TNIK: variants seen among roughly 807,000 people sequenced by gnomAD.
The protein encoded by TNIK is TRAF2 and NCK-interacting protein kinase.
TNIK carries 49 observed loss-of-function variants against 191.3 expected under a neutral mutation model. That is an observed-to-expected ratio of 0.26 (90% CI 0.20 to 0.32). The LOEUF (loss-of-function observed/expected upper bound fraction) is 0.32, where lower values mean the gene tolerates loss of function less well. Ranked by LOEUF, TNIK falls within the 10% of genes least tolerant of loss-of-function variation. The pLI, the probability that TNIK is intolerant of heterozygous loss-of-function variation, is 1.00. For synonymous variants in TNIK, 594 were observed against 600.9 expected (o/e 0.99, Z 0.17); for missense variants, 1,155 against 1,702.3 (o/e 0.68, Z 5.66).
In TNIK at chr3:171,219,074, AAT is replaced by A. The variant is rs746843883; in HGVS notation, c.181-7835_181-7834del. Among the ~76,000 whole-genome samples, 411 of 129,876 alleles carry A rather than the reference AAT, an allele frequency of 3.2e-3. 3 individuals carry two copies. The highest frequency in any genetic ancestry group is 0.011 in the African/African-American group (379 of 34,732). 85.2% of individuals were successfully genotyped at this position (129,876 alleles called of 152,430 possible). ...TTTAATATAATATATTAAATATATA[AAT>A]ATATATTTTATATAAATATATAATT... is the stretch of plus-strand genomic sequence containing the variant. On this transcript the variant is annotated intron_variant, in intron 3 of 32. Coordinates refer to ENST00000436636, the MANE Select transcript of TNIK (RefSeq NM_015028.4).
intron 4 of TNIK, among the ~76,000 whole-genome samples, chr3:171,199,631 G>A (rs1739166664): frequency 6.6e-6 from 1 of 152,174 alleles, no homozygotes. Flanking sequence ...TAAGTAACTT[G>A]AGCAGGGTGA....
intron 1 of TNIK, among the ~76,000 whole-genome samples, chr3:171,430,350 G>T (rs1314746835): frequency 1.3e-5 from 2 of 152,046 alleles, no homozygotes; most frequent in Non-Finnish European, 2.9e-5. Context: ...CGTGAACCAA[G>T]AAAATAAGCC....
intron 1 of TNIK, among the ~76,000 whole-genome samples, chr3:171,371,283 C>G (rs527995009): frequency 6.6e-6 from 1 of 152,182 alleles, no homozygotes; most frequent in Non-Finnish European, 1.5e-5. Context: ...TGAGTTTGAT[C>G]TGACAAGTCA....
chr3:171,286,705 T>G (rs11921808), intron 2 of TNIK, among the ~76,000 whole-genome samples: 6,821 of 152,294 alleles, frequency 0.045, 222 homozygotes, highest in African/African-American at 0.094. Context: ...AAATGTCACC[T>G]TGGAGAGCAA....
chr3:171,454,238 G>A (rs550767480), intron 1 of TNIK, among the ~76,000 whole-genome samples: 3 of 152,274 alleles, frequency 2.0e-5, no homozygotes, highest in East Asian at 1.9e-4. Context: ...TCACAGGAGC[G>A]CCTGGCTGGG....
chr3:171,236,023 C>T (rs1171182105), intron 2 of TNIK, among the ~76,000 whole-genome samples: 2 of 152,148 alleles, frequency 1.3e-5, no homozygotes, highest in Admixed American at 6.5e-5. Flanking sequence ...GCCCTTAAAA[C>T]GCAGTCCTCC....
At chr3:171,144,785 G>C (rs141374852) in intron 12 of TNIK, among the ~76,000 whole-genome samples, 1,985 of 152,200 alleles carry the variant, frequency 0.013, 20 homozygotes, top group East Asian at 0.045. Flanking sequence ...CCAATCCTCT[G>C]GTAACCACTG....
chr3:171,131,404 G>A (rs574817030), intron 15 of TNIK, among the ~76,000 whole-genome samples: 1 of 134,098 alleles, frequency 7.5e-6, no homozygotes, highest in South Asian at 2.6e-4. Context: ...CTAGGGTACT[G>A]GTTTTCACAG....
At chr3:171,267,410 A>G (rs890282668) in intron 2 of TNIK, among the ~76,000 whole-genome samples, 29 of 152,342 alleles carry the variant, frequency 1.9e-4, no homozygotes, top group African/African-American at 6.7e-4. Context: ...AATATACTTA[A>G]TTCAGAAAAG....
At chr3:171,213,652 TAA>T (rs1383864269) in intron 3 of TNIK, among the ~76,000 whole-genome samples, 1 of 152,084 alleles carries the variant, frequency 6.6e-6, no homozygotes, top group Non-Finnish European at 1.5e-5. Context: ...GAGGTCAGAA[TAA>T]AGTCAGTACA....
chr3:171,371,648 T>C (rs1716504972), intron 1 of TNIK, among the ~76,000 whole-genome samples: 1 of 152,128 alleles, frequency 6.6e-6, no homozygotes, highest in Non-Finnish European at 1.5e-5. Flanking sequence ...CACCCCATAG[T>C]TAGAAGACAC....
At chr3:171,203,353 G>C (rs151229824) in intron 4 of TNIK, among the ~76,000 whole-genome samples, 397 of 152,196 alleles carry the variant, frequency 2.6e-3, no homozygotes, top group African/African-American at 9.0e-3. Flanking sequence ...ATTCTGAGAC[G>C]ATCTTACACA....
intron 2 of TNIK, among the ~76,000 whole-genome samples, chr3:171,322,645 T>C (rs145930070): frequency 1.0e-3 from 155 of 152,238 alleles, no homozygotes; most frequent in African/African-American, 3.6e-3. Context: ...TACGCACATA[T>C]GCAGGTAGGC....
chr3:171,459,782 G>C (rs1729239257), intron 1 of TNIK, among the ~76,000 whole-genome samples: 2 of 152,002 alleles, frequency 1.3e-5, no homozygotes, highest in African/African-American at 4.8e-5. Context: ...CCTCGGGAGA[G>C]CCTAAGCCAC....
At chr3:171,383,487 G>A (rs1250482562) in intron 1 of TNIK, among the ~76,000 whole-genome samples, 1 of 152,120 alleles carries the variant, frequency 6.6e-6, no homozygotes, top group African/African-American at 2.4e-5. Flanking sequence ...CTGGAATGCT[G>A]GTTATTCACA....
chr3:171,415,729 C>G (rs939255818), intron 1 of TNIK, among the ~76,000 whole-genome samples: 2 of 151,576 alleles, frequency 1.3e-5, no homozygotes, highest in African/African-American at 4.8e-5. Context: ...GCCTCTAATC[C>G]CAGCACTTTG....
chr3:171,376,179 A>G (rs981547723), intron 1 of TNIK, among the ~76,000 whole-genome samples: 2 of 152,248 alleles, frequency 1.3e-5, no homozygotes, highest in Non-Finnish European at 1.5e-5. Flanking sequence ...GAAAACAGGA[A>G]CAGTAGGAGA....
intron 2 of TNIK, among the ~76,000 whole-genome samples, chr3:171,310,892 T>G (rs982548770): frequency 9.2e-5 from 14 of 152,188 alleles, no homozygotes; most frequent in Admixed American, 5.9e-4. Flanking sequence ...AATATTTACT[T>G]TTTAATTTTC....
At chr3:171,280,154 C>CAT (rs755273646) in intron 2 of TNIK, among the ~76,000 whole-genome samples, 1 of 152,204 alleles carries the variant, frequency 6.6e-6, no homozygotes, top group Non-Finnish European at 1.5e-5. Flanking sequence ...CACCACACCC[C>CAT]ATATCACACC....
Sources: allele counts gnomAD v4.1 joint callset (sites outside exome capture counted in the v4.1 genomes callset), GRCh38; gene constraint gnomAD v4.1.1; transcripts MANE v1.5; gene names NCBI Gene and HGNC (gene_info 2026-07-23, HGNC 2026-07-21).